The following LSAMP variants were observed in gnomAD, a reference collection of about 807,000 sequenced individuals.
The protein encoded by LSAMP is limbic system-associated membrane protein.
Under a neutral mutation model 38.6 loss-of-function variants are expected in LSAMP, and 7 were observed. The observed-to-expected ratio is 0.18, with a 90% CI of 0.10 to 0.34. LSAMP has a LOEUF of 0.34. Among genes scored for constraint, LSAMP ranks in the 10% least tolerant of loss-of-function variants. LSAMP has a pLI of 1.00. For synonymous variants in LSAMP, 154 were observed against 166.8 expected, an observed-to-expected ratio of 0.92 and a Z score of 0.59; for missense variants, 313 against 420.0, an observed-to-expected ratio of 0.75 and a Z score of 2.23.
chr3:116,214,304 A>G (rs549850764), intron 1 of LSAMP, among the ~76,000 whole-genome samples: 2 of 152,270 alleles, frequency 1.3e-5, no homozygotes, highest in East Asian at 3.9e-4. Context: ...GCTGTAGGTC[A>G]GGTCGTGTTC....
intron 3 of LSAMP, among the ~76,000 whole-genome samples, chr3:116,008,073 A>G (rs541600330): frequency 1.3e-5 from 2 of 152,324 alleles, no homozygotes; most frequent in African/African-American, 2.4e-5. Context: ...TCTTTCTACT[A>G]TCTAACCAAA....
rs1941575719 is a variant in LSAMP at position 116,060,561 on chromosome 3, G to A, written c.388+25763C>T. ...GGATCATCTGAGGTCGGGAGTTCGA[G>A]ACCAGCCTGACCAACATGGAGAAAC... On this transcript the variant is annotated intron_variant, in intron 2 of 6. Coordinates refer to ENST00000490035, the MANE Select transcript of LSAMP (RefSeq NM_002338.5). Among the ~76,000 whole-genome samples the A allele has an allele frequency of 2.0e-5, 3 of 152,322 alleles. No individual in the cohort carries two copies. The South Asian group carries it at 6.2e-4, about 32-fold the overall frequency.
At chr3:116,025,868 T>A (rs1940778492) in intron 2 of LSAMP, among the ~76,000 whole-genome samples, 1 of 152,234 alleles carries the variant, frequency 6.6e-6, no homozygotes, top group South Asian at 2.1e-4. Context: ...CACTATTATG[T>A]GTTAATTTTA....
chr3:116,431,989 C>G (rs896154284), intron 1 of LSAMP, among the ~76,000 whole-genome samples: 5 of 151,944 alleles, frequency 3.3e-5, no homozygotes, highest in African/African-American at 1.2e-4. Flanking sequence ...TTTTTATGAA[C>G]TATATGATTG....
intron 1 of LSAMP, among the ~76,000 whole-genome samples, chr3:116,107,295 G>A (rs1708490084): frequency 6.6e-6 from 1 of 152,182 alleles, no homozygotes; most frequent in Admixed American, 6.5e-5. Flanking sequence ...ATATGCGTCA[G>A]GTATGAGGAA....
intron 2 of LSAMP, among the ~76,000 whole-genome samples, chr3:116,035,859 C>T (rs533500201): frequency 1.8e-4 from 27 of 152,306 alleles, no homozygotes; most frequent in African/African-American, 5.1e-4. Context: ...TGTTGCTTCT[C>T]GACATTCTCC....
intron 1 of LSAMP, among the ~76,000 whole-genome samples, chr3:116,372,249 C>T (rs2048438902): frequency 6.6e-6 from 1 of 151,902 alleles, no homozygotes; most frequent in Non-Finnish European, 1.5e-5. Context: ...AAATACAGAG[C>T]CCCAAAATAA....
At chr3:116,282,760 C>A (rs183957933) in intron 1 of LSAMP, among the ~76,000 whole-genome samples, 5 of 152,040 alleles carry the variant, frequency 3.3e-5, no homozygotes, top group Admixed American at 3.3e-4. Flanking sequence ...GATACTCCCC[C>A]CACCCCCCAA....
intron 2 of LSAMP, among the ~76,000 whole-genome samples, chr3:116,064,159 T>C (rs1402070163): frequency 6.6e-6 from 1 of 152,220 alleles, no homozygotes; most frequent in Non-Finnish European, 1.5e-5. Context: ...ATTTGGAGTT[T>C]CCTATGCAAG....
chr3:116,026,499 C>A (rs1487795196), intron 2 of LSAMP, among the ~76,000 whole-genome samples: 1 of 152,152 alleles, frequency 6.6e-6, no homozygotes, highest in Non-Finnish European at 1.5e-5. Flanking sequence ...ATGCCTCTTT[C>A]TTCTGGTAAG....
intron 1 of LSAMP, among the ~76,000 whole-genome samples, chr3:116,345,022 G>T (rs953883569): frequency 6.6e-6 from 1 of 152,102 alleles, no homozygotes; most frequent in Non-Finnish European, 1.5e-5. Flanking sequence ...TTACATATTT[G>T]ATTTGTTTAG....
chr3:115,814,801 C>T (rs1013825104), intron 6 of LSAMP, among the ~76,000 whole-genome samples: 2 of 152,072 alleles, frequency 1.3e-5, no homozygotes, highest in African/African-American at 4.8e-5. Context: ...GAAAATAGAA[C>T]AAAATTCTAA....
At chr3:115,840,873 C>T (rs112683156) in intron 6 of LSAMP, among the ~76,000 whole-genome samples, 3 of 152,072 alleles carry the variant, frequency 2.0e-5, no homozygotes, top group African/African-American at 7.2e-5. Context: ...AAAATAATAA[C>T]AGTACTTTTT....
intron 1 of LSAMP, among the ~76,000 whole-genome samples, chr3:116,263,694 A>C (rs572425752): frequency 1.1e-3 from 160 of 151,806 alleles, no homozygotes; most frequent in African/African-American, 3.7e-3. Context: ...TATGTTTTTA[A>C]GTACTGATCT....
At chr3:116,289,230 A>C (rs2047231171) in intron 1 of LSAMP, among the ~76,000 whole-genome samples, 1 of 152,230 alleles carries the variant, frequency 6.6e-6, no homozygotes, top group South Asian at 2.1e-4. Context: ...CAGTTCTCAA[A>C]AACTGAAGGT....
chr3:116,421,811 A>G (rs1345845904), intron 1 of LSAMP, among the ~76,000 whole-genome samples: 1 of 152,218 alleles, frequency 6.6e-6, no homozygotes, highest in Non-Finnish European at 1.5e-5. Context: ...AAAACCTGAA[A>G]CAGTCATATA....
chr3:116,050,387 A>G (rs1386526193), intron 2 of LSAMP, among the ~76,000 whole-genome samples: 1 of 151,744 alleles, frequency 6.6e-6, no homozygotes, highest in Non-Finnish European at 1.5e-5. Context: ...TCCAAATATT[A>G]AAAAAAAATT....
chr3:116,146,041 CA>C (rs1277153168), intron 1 of LSAMP, among the ~76,000 whole-genome samples: 4 of 151,960 alleles, frequency 2.6e-5, no homozygotes, highest in South Asian at 2.1e-4. Flanking sequence ...CAATTTCACA[CA>C]AGAATTTTTT....
At chr3:116,097,449 G>A (rs1212564807) in intron 1 of LSAMP, among the ~76,000 whole-genome samples, 1 of 152,092 alleles carries the variant, frequency 6.6e-6, no homozygotes, top group African/African-American at 2.4e-5. Context: ...TGTTATCATT[G>A]GAGCAGAACC....
Sources: gnomAD v4.1 joint callset for allele counts (sites outside exome capture counted in the v4.1 genomes callset) on GRCh38, gnomAD v4.1.1 for gene constraint, MANE v1.5 for transcripts, NCBI Gene and HGNC (gene_info 2026-07-23, HGNC 2026-07-21) for gene names.